The following ADK variants were observed in gnomAD, a reference collection of about 807,000 sequenced individuals.
ADK encodes adenosine kinase, also known as N6,N6-dimethyladenosine kinase.
ADK carries 24 observed loss-of-function variants against 44.7 expected under a neutral mutation model. That is an observed-to-expected ratio of 0.54 (90% CI 0.39 to 0.76). The LOEUF is 0.76. ADK is among the 30% of genes least tolerant of loss of function. ADK has a pLI of 0.00. For missense variants in ADK, 321 were observed against 425.1 expected (o/e 0.76, Z 2.15); for synonymous variants, 128 against 142.6 (o/e 0.90, Z 0.73).
intron 1 of ADK, among the ~76,000 whole-genome samples, chr10:74,189,006 C>T (rs961989752): frequency 5.3e-5 from 8 of 152,150 alleles, no homozygotes; most frequent in Non-Finnish European, 1.2e-4. Flanking sequence ...CTCCTGACCT[C>T]GTGATCCGCC....
chr10:74,220,714 C>T (rs938164799), intron 2 of ADK, among the ~76,000 whole-genome samples: 5 of 152,174 alleles, frequency 3.3e-5, no homozygotes, highest in African/African-American at 4.8e-5. Context: ...GCTGGTTCAA[C>T]ATACGCAAAT....
intron 4 of ADK, among the ~76,000 whole-genome samples, chr10:74,354,778 G>A (rs973972809): frequency 9.2e-5 from 14 of 152,120 alleles, no homozygotes; most frequent in Non-Finnish European, 2.9e-5. Context: ...ATATTTCATG[G>A]CATCACTCCA....
chr10:74,692,958 G>A (rs1416311082), intron 10 of ADK, among the ~76,000 whole-genome samples: 1 of 152,032 alleles, frequency 6.6e-6, no homozygotes, highest in Non-Finnish European at 1.5e-5. Context: ...TATGGAGACT[G>A]TAAAAAAGTC....
chr10:74,220,039 T>C (rs933320256), intron 2 of ADK, among the ~76,000 whole-genome samples: 1 of 150,486 alleles, frequency 6.6e-6, no homozygotes, highest in African/African-American at 2.5e-5. Flanking sequence ...CTGAAGGAAA[T>C]AGAGACACAA....
At chr10:74,216,782 T>G (rs914028261) in intron 2 of ADK, among the ~76,000 whole-genome samples, 2 of 152,100 alleles carry the variant, frequency 1.3e-5, no homozygotes, top group Admixed American at 1.3e-4. Context: ...ATTCCTTGTT[T>G]AACACTTAAA....
At chr10:74,328,474 G>A (rs1020632842) in intron 4 of ADK, among the ~76,000 whole-genome samples, 2 of 152,016 alleles carry the variant, frequency 1.3e-5, no homozygotes, top group African/African-American at 2.4e-5. Flanking sequence ...TTCCCTTACT[G>A]TCTGATATGG....
intron 10 of ADK, among the ~76,000 whole-genome samples, chr10:74,690,594 G>T (rs528437907): frequency 1.3e-5 from 2 of 152,152 alleles, no homozygotes; most frequent in Admixed American, 1.3e-4. Context: ...TGACTATATT[G>T]CAAAATAAGC....
chr10:74,650,886 C>T (rs1349156029), intron 9 of ADK, among the ~76,000 whole-genome samples: 1 of 152,114 alleles, frequency 6.6e-6, no homozygotes, highest in Non-Finnish European at 1.5e-5. Flanking sequence ...GATGTAATGT[C>T]CCTAAAATGA....
chr10:74,340,230 G>T (rs1841538744), intron 4 of ADK, among the ~76,000 whole-genome samples: 1 of 151,978 alleles, frequency 6.6e-6, no homozygotes, highest in Admixed American at 6.6e-5. Context: ...TTGGATGTAG[G>T]GGTAAGGAAA....
intron 7 of ADK, chr10:74,529,458 C>T (rs193038599): frequency 2.3e-4 from 35 of 152,148 alleles, no homozygotes; most frequent in Admixed American, 2.3e-3. Flanking sequence ...TTGCGCCACA[C>T]TGTGAATGTA....
intron 7 of ADK, among the ~76,000 whole-genome samples, chr10:74,545,932 G>T: frequency 6.6e-6 from 1 of 152,266 alleles, no homozygotes; most frequent in Non-Finnish European, 1.5e-5. Context: ...TTGATAGTTT[G>T]TAGAAAGGTA....
chr10:74,507,000 A>G (rs1345557125), intron 6 of ADK, among the ~76,000 whole-genome samples: 1 of 152,230 alleles, frequency 6.6e-6, no homozygotes, highest in Non-Finnish European at 1.5e-5. Flanking sequence ...CAAGTTGTAC[A>G]AGGGTCAACT....
chr10:74,284,163 T>G (rs1847061831), intron 3 of ADK, among the ~76,000 whole-genome samples: 1 of 151,196 alleles, frequency 6.6e-6, no homozygotes, highest in Non-Finnish European at 1.5e-5. Flanking sequence ...TTTCTCCATG[T>G]TGGCCAGGCT....
intron 2 of ADK, among the ~76,000 whole-genome samples, chr10:74,210,265 T>C (rs1222276425): frequency 7.0e-6 from 1 of 143,130 alleles, no homozygotes; most frequent in South Asian, 2.2e-4. Context: ...GGAGCGGAGG[T>C]TGCAGTGAAC....
intron 7 of ADK, among the ~76,000 whole-genome samples, chr10:74,577,685 C>T (rs921934830): frequency 6.6e-6 from 1 of 151,598 alleles, no homozygotes; most frequent in Non-Finnish European, 1.5e-5. Flanking sequence ...TTTATTTTAT[C>T]CAGTACTATT....
intron 10 of ADK, among the ~76,000 whole-genome samples, chr10:74,696,579 C>T (rs1407031246): frequency 2.0e-5 from 3 of 151,432 alleles, no homozygotes; most frequent in Non-Finnish European, 4.4e-5. Flanking sequence ...ACCATGTTAG[C>T]CAGGATGGTC....
chr10:74,409,801 T>A (rs1844098632), intron 6 of ADK, among the ~76,000 whole-genome samples: 1 of 152,188 alleles, frequency 6.6e-6, no homozygotes, highest in African/African-American at 2.4e-5. Context: ...ATAGAATTCA[T>A]ACTTACAAAG....
At chr10:74,237,891 G>T (rs940000600) in intron 3 of ADK, among the ~76,000 whole-genome samples, 6 of 152,240 alleles carry the variant, frequency 3.9e-5, no homozygotes, top group Middle Eastern at 6.8e-3. Context: ...CTGAGGTCGG[G>T]AGTTCGAGAC....
At chr10:74,391,967 A>G (rs983497994) in intron 4 of ADK, among the ~76,000 whole-genome samples, 2 of 152,216 alleles carry the variant, frequency 1.3e-5, no homozygotes, top group Non-Finnish European at 1.5e-5. Context: ...CTTTTTTGTG[A>G]CAGACCTTAT....
Sources: allele counts gnomAD v4.1 joint callset (sites outside exome capture counted in the v4.1 genomes callset), GRCh38; gene constraint gnomAD v4.1.1; transcripts MANE v1.5; gene names NCBI Gene and HGNC (gene_info 2026-07-23, HGNC 2026-07-21).